KIAA0040: variants seen among roughly 807,000 people sequenced by gnomAD.
The protein encoded by KIAA0040 is KIAA0040.
Under a neutral mutation model 7.2 loss-of-function variants are expected in KIAA0040, and 10 were observed. The ratio of observed to expected loss-of-function variants is 1.38; its 90% CI spans 0.85 to 2.34. KIAA0040 has a LOEUF of 2.34. Ranked by LOEUF, KIAA0040 falls within the 30% of genes most tolerant of loss-of-function variation. KIAA0040 has a pLI of 0.00. For synonymous variants in KIAA0040, 49 were observed against 40.1 expected, an observed-to-expected ratio of 1.22 and a Z score of -0.84; for missense variants, 89 against 108.2, an observed-to-expected ratio of 0.82 and a Z score of 0.79.
chr1:175,192,815 C>CT (rs1677921191), upstream of KIAA0040: 1 of 118,906 alleles, frequency 8.4e-6, no homozygotes, highest in African/African-American at 2.9e-5. Flanking sequence ...GTCGTGGGAG[C>CT]CGCCCGCCCC....
At chr1:175,161,762 C>A (rs1676553629) in intron 3 of KIAA0040, among the ~76,000 whole-genome samples, 1 of 152,128 alleles carries the variant, frequency 6.6e-6, no homozygotes, top group South Asian at 2.1e-4. Context: ...ATGTCTCCTC[C>A]CCTCCTTATA....
In KIAA0040 at chr1:175,185,324, T is replaced by G. The variant is rs139346330; in HGVS notation, c.-384+7316A>C. 2.6e-5 allele frequency among the ~76,000 whole-genome samples: 4 copies of G among 152,328 alleles called. No individual in the cohort carries two copies. In the East Asian group the frequency reaches 7.7e-4, roughly 29 times the overall value. On this transcript the variant is annotated intron_variant, in intron 1 of 3. Coordinates refer to ENST00000423313, the MANE Select transcript of KIAA0040 (RefSeq NM_014656.3). Reference sequence around the variant, plus strand: ...AGGTAAGGGAAAATAGGTAAAGTGCTTAATGTTATCCCCAGCACAGATAGA... The same window carrying G: ...AGGTAAGGGAAAATAGGTAAAGTGCGTAATGTTATCCCCAGCACAGATAGA...
At chr1:175,162,686 T>C (rs79236138) in intron 3 of KIAA0040, among the ~76,000 whole-genome samples, 2,241 of 152,284 alleles carry the variant, frequency 0.015, 49 homozygotes, top group African/African-American at 0.046. Context: ...GCAATTGTCC[T>C]CAGAAGTCTA....
At chr1:175,187,295 T>C (rs1677698683) in intron 1 of KIAA0040, among the ~76,000 whole-genome samples, 1 of 152,174 alleles carries the variant, frequency 6.6e-6, no homozygotes, top group Admixed American at 6.5e-5. Context: ...AAAGTTTGGA[T>C]GGACGTTTGT....
At chr1:175,188,132 C>T (rs910480559) in intron 1 of KIAA0040, among the ~76,000 whole-genome samples, 6 of 152,182 alleles carry the variant, frequency 3.9e-5, no homozygotes, top group Admixed American at 2.0e-4. Context: ...CTCCATGGAG[C>T]GGCTTGCTCA....
At chr1:175,183,633 G>A (rs1332307956) in intron 1 of KIAA0040, among the ~76,000 whole-genome samples, 1 of 152,222 alleles carries the variant, frequency 6.6e-6, no homozygotes, top group Non-Finnish European at 1.5e-5. Flanking sequence ...AAGTTGGTCG[G>A]ACATCTGGGG....
intron 3 of KIAA0040, among the ~76,000 whole-genome samples, chr1:175,166,126 G>T (rs921953146): frequency 6.6e-6 from 1 of 152,114 alleles, no homozygotes; most frequent in Non-Finnish European, 1.5e-5. Context: ...CCTCTTCTGC[G>T]ACTGCTGACT....
At chr1:175,173,309 T>A (rs912887523) in intron 2 of KIAA0040, among the ~76,000 whole-genome samples, 1 of 152,198 alleles carries the variant, frequency 6.6e-6, no homozygotes, top group Non-Finnish European at 1.5e-5. Flanking sequence ...AAAAGTCTTA[T>A]CACCTTTCAC....
intron 1 of KIAA0040, among the ~76,000 whole-genome samples, chr1:175,187,614 G>A (rs537549850): frequency 1.3e-5 from 2 of 152,280 alleles, no homozygotes; most frequent in East Asian, 3.9e-4. Flanking sequence ...GGTGGCCACT[G>A]TCACATGTCA....
intron 1 of KIAA0040, among the ~76,000 whole-genome samples, chr1:175,181,729 C>T (rs1677445989): frequency 6.6e-6 from 1 of 152,152 alleles, no homozygotes; most frequent in African/African-American, 2.4e-5. Flanking sequence ...ACGTTAATTC[C>T]AGTGAGGAAT....
intron 3 of KIAA0040, among the ~76,000 whole-genome samples, chr1:175,163,222 T>C (rs1558388894): frequency 6.6e-6 from 1 of 152,238 alleles, no homozygotes; most frequent in Non-Finnish European, 1.5e-5. Context: ...TTACAATATT[T>C]GGCTATTCCC....
At chr1:175,165,716 T>C (rs962784451) in intron 3 of KIAA0040, among the ~76,000 whole-genome samples, 1 of 151,964 alleles carries the variant, frequency 6.6e-6, no homozygotes. Flanking sequence ...CCAGCCTCCC[T>C]CCCAGGCTTT....
chr1:175,175,270 A>G (rs1677141328), intron 2 of KIAA0040, among the ~76,000 whole-genome samples: 1 of 152,142 alleles, frequency 6.6e-6, no homozygotes, highest in Non-Finnish European at 1.5e-5. Context: ...CAGACACATG[A>G]AAAAATGCTC....
chr1:175,161,304 C>T (rs1485020746), intron 3 of KIAA0040, among the ~76,000 whole-genome samples, 158 bp from the exon 4 acceptor site: 1 of 152,186 alleles, frequency 6.6e-6, no homozygotes, highest in African/African-American at 2.4e-5. Context: ...TAAATGCATG[C>T]ATGTAATCAA....
In KIAA0040 at chr1:175,160,167, GT is replaced by G. The variant is rs1676472157; in HGVS notation, c.*546del. The G allele has an allele frequency of 6.5e-6, 1 of 154,994 alleles. No individual in the cohort carries two copies. The highest frequency in any genetic ancestry group is 1.4e-5 in the Non-Finnish European group (1 of 69,014). 9.6% of individuals were successfully genotyped at this position (154,994 alleles called of 1,614,324 possible). A position where few individuals can be genotyped will look rare whatever the true frequency, so the allele number is the denominator to read the frequency against. On this transcript the variant is annotated 3_prime_UTR_variant, in exon 4 of 4. Coordinates refer to ENST00000423313, the MANE Select transcript of KIAA0040 (RefSeq NM_014656.3). The stretch of plus-strand genomic sequence containing the variant: ...AAAGCATGCATCTGTAACCTGAGTG[GT>G]TTATGGAATAGATGGTGTATGGGGG...
chr1:175,181,925 C>T (rs992100406), intron 1 of KIAA0040, among the ~76,000 whole-genome samples: 2 of 152,212 alleles, frequency 1.3e-5, no homozygotes, highest in South Asian at 2.1e-4. Context: ...TCCAACCTCC[C>T]GATGTTAAGG....
chr1:175,164,286 T>C (rs1676665832), intron 3 of KIAA0040, among the ~76,000 whole-genome samples: 1 of 152,220 alleles, frequency 6.6e-6, no homozygotes, highest in African/African-American at 2.4e-5. Flanking sequence ...ACCTAATATG[T>C]TTCATGCACT....
At chr1:175,187,550 G>T (rs1677709460) in intron 1 of KIAA0040, among the ~76,000 whole-genome samples, 1 of 152,156 alleles carries the variant, frequency 6.6e-6, no homozygotes, top group African/African-American at 2.4e-5. Context: ...ACTTGAGTTG[G>T]GGAGGAACAA....
rs141646702 is a variant in KIAA0040, at chr1:175,184,081, G to A, written c.-383-6397C>T. Among the ~76,000 whole-genome samples the A allele has an allele frequency of 1.3e-3, 193 of 152,280 alleles. 1 individual carries two copies. Among genetic ancestry groups the A allele is most frequent in the East Asian group, 0.01 (54 of 5,182 alleles). On this transcript the variant is annotated intron_variant, in intron 1 of 3. Transcript: ENST00000423313. ...AAAGAGGAGTTGCAGATGACTGACC[G>A]AAAGTAAGTGATACACCCTGACAGT...
Sources: gnomAD v4.1 joint callset for allele counts (sites outside exome capture counted in the v4.1 genomes callset) on GRCh38, gnomAD v4.1.1 for gene constraint, MANE v1.5 for transcripts, NCBI Gene and HGNC (gene_info 2026-07-23, HGNC 2026-07-21) for gene names.